The following CACNA2D3 variants were observed in gnomAD, a reference collection of about 807,000 sequenced individuals.
CACNA2D3 encodes the protein voltage-dependent calcium channel subunit alpha-2/delta-3.
In CACNA2D3, 60 loss-of-function variants were observed where a neutral mutation model predicts 160.6. That is an observed-to-expected ratio of 0.37 (90% CI 0.30 to 0.46). The LOEUF (loss-of-function observed/expected upper bound fraction) is 0.46. CACNA2D3 is among the 20% of genes least tolerant of loss of function. The pLI, the probability that CACNA2D3 is intolerant of heterozygous loss-of-function variation, is 1.00. For synonymous variants in CACNA2D3, 558 were observed against 492.9 expected, an observed-to-expected ratio of 1.13 and a Z score of -1.75; for missense variants, 1,205 against 1,365.0, an observed-to-expected ratio of 0.88 and a Z score of 1.85.
At position 54,317,986 on chromosome 3, in the gene CACNA2D3, A is replaced by G. The variant is rs376650943; in HGVS notation, c.205-2456A>G. 3.3e-5 allele frequency among the ~76,000 whole-genome samples: 5 copies of G among 152,334 alleles called. No homozygotes were observed. The South Asian group carries it at 6.2e-4, about 19-fold the overall frequency. On this transcript the variant is annotated intron_variant, in intron 2 of 37. Transcript: ENST00000474759. ...TCCCAGTACTACTGTATTGGGGATT[A>G]AGTTTCCAATACATGAACTTTGGGG...
At chr3:54,804,299 T>A (rs1445723655) in intron 13 of CACNA2D3, among the ~76,000 whole-genome samples, 1 of 151,906 alleles carries the variant, frequency 6.6e-6, no homozygotes, top group Admixed American at 6.6e-5. Context: ...GTGTGCTGTA[T>A]TCAGGAAACC....
chr3:54,799,003 CAT>C (rs1313718665), intron 13 of CACNA2D3, among the ~76,000 whole-genome samples: 2 of 152,158 alleles, frequency 1.3e-5, no homozygotes, highest in Non-Finnish European at 2.9e-5. Flanking sequence ...TTAATCAAAA[CAT>C]GTCATTTTAA....
intron 4 of CACNA2D3, among the ~76,000 whole-genome samples, chr3:54,428,672 T>G (rs190725607): frequency 1.8e-4 from 27 of 152,318 alleles, no homozygotes; most frequent in Admixed American, 1.4e-3. Flanking sequence ...CTTTCTACCT[T>G]TCAAAATTTA....
At chr3:54,663,599 G>A (rs1369168605) in intron 11 of CACNA2D3, among the ~76,000 whole-genome samples, 2 of 152,184 alleles carry the variant, frequency 1.3e-5, no homozygotes, top group South Asian at 2.1e-4. Context: ...CAAGAAAGGC[G>A]ATGAAGACAA....
At chr3:54,587,603 A>G (rs1360886592) in intron 9 of CACNA2D3, among the ~76,000 whole-genome samples, 1 of 152,106 alleles carries the variant, frequency 6.6e-6, no homozygotes, top group East Asian at 1.9e-4. Flanking sequence ...AGAGAAGACA[A>G]ATCAGCAATA....
chr3:54,740,583 C>G (rs1479152264), intron 11 of CACNA2D3, among the ~76,000 whole-genome samples: 1 of 152,152 alleles, frequency 6.6e-6, no homozygotes, highest in East Asian at 1.9e-4. Flanking sequence ...GTCCTTCCCC[C>G]TTCCACAAAG....
At chr3:54,452,283 A>T (rs1700320206) in intron 4 of CACNA2D3, among the ~76,000 whole-genome samples, 1 of 152,190 alleles carries the variant, frequency 6.6e-6, no homozygotes, top group South Asian at 2.1e-4. Context: ...CCCATTTATA[A>T]AACCATCAGA....
chr3:55,014,366 C>T (rs929035048), intron 34 of CACNA2D3, among the ~76,000 whole-genome samples: 3 of 152,196 alleles, frequency 2.0e-5, no homozygotes, highest in Non-Finnish European at 4.4e-5. Flanking sequence ...ATCAGCCAAA[C>T]TGAGCTCAGT....
chr3:54,657,934 C>G (rs1034802447), intron 11 of CACNA2D3, among the ~76,000 whole-genome samples: 1 of 152,098 alleles, frequency 6.6e-6, no homozygotes, highest in Non-Finnish European at 1.5e-5. Context: ...GAGACTCAAG[C>G]GGGAGACTGG....
At chr3:54,628,436 C>T (rs61676227) in intron 10 of CACNA2D3, among the ~76,000 whole-genome samples, 7,318 of 152,122 alleles carry the variant, frequency 0.048, 568 homozygotes, top group African/African-American at 0.16. Flanking sequence ...AATTGAGTAG[C>T]GTCATAGAGA....
intron 2 of CACNA2D3, among the ~76,000 whole-genome samples, chr3:54,211,817 A>G (rs1701377350): frequency 6.6e-6 from 1 of 152,198 alleles, no homozygotes; most frequent in Non-Finnish European, 1.5e-5. Context: ...GTTATTTTAT[A>G]AAAATATATT....
At chr3:54,642,265 G>A in intron 11 of CACNA2D3, 24 bp downstream of exon 11, 1 of 1,426,072 alleles carries the variant, frequency 7.0e-7, no homozygotes, top group Non-Finnish European at 9.8e-7. Context: ...GATCCCGTCT[G>A]TGCGGTGGAC....
chr3:54,596,257 T>C (rs1702952442), intron 9 of CACNA2D3, among the ~76,000 whole-genome samples: 1 of 152,072 alleles, frequency 6.6e-6, no homozygotes, highest in Non-Finnish European at 1.5e-5. Context: ...ACTGTCATCA[T>C]TGTCTTCTCC....
intron 2 of CACNA2D3, among the ~76,000 whole-genome samples, chr3:54,240,949 C>G (rs1277547849): frequency 6.6e-6 from 1 of 152,114 alleles, no homozygotes; most frequent in Non-Finnish European, 1.5e-5. Flanking sequence ...CCATGTTGGC[C>G]AGGCTGGTCT....
At chr3:54,727,592 T>G (rs1048994657) in intron 11 of CACNA2D3, among the ~76,000 whole-genome samples, 2 of 152,074 alleles carry the variant, frequency 1.3e-5, no homozygotes, top group Non-Finnish European at 2.9e-5. Flanking sequence ...ACAGGATGAG[T>G]TCATGTCCTT....
chr3:54,169,683 GTA>G (rs987352585), intron 2 of CACNA2D3, among the ~76,000 whole-genome samples: 1 of 148,816 alleles, frequency 6.7e-6, no homozygotes, highest in Non-Finnish European at 1.5e-5. Flanking sequence ...GTATGTGTGT[GTA>G]TGTGTGTGCA....
intron 13 of CACNA2D3, among the ~76,000 whole-genome samples, chr3:54,798,276 T>C (rs1458080557): frequency 6.6e-6 from 1 of 152,136 alleles, no homozygotes; most frequent in Non-Finnish European, 1.5e-5. Flanking sequence ...GGCCCACACC[T>C]GTAATCCCAG....
At chr3:54,552,395 C>T (rs1702172896) in intron 5 of CACNA2D3, among the ~76,000 whole-genome samples, 1 of 152,220 alleles carries the variant, frequency 6.6e-6, no homozygotes, top group Non-Finnish European at 1.5e-5. Context: ...CTCTGAGCCA[C>T]GTGTTACCCT....
At chr3:54,957,599 G>A (rs1701931836) in intron 27 of CACNA2D3, among the ~76,000 whole-genome samples, 1 of 152,200 alleles carries the variant, frequency 6.6e-6, no homozygotes, top group African/African-American at 2.4e-5. Context: ...GGTCTGGTGT[G>A]TGTGTTAGGG....
Sources: allele counts gnomAD v4.1 joint callset (sites outside exome capture counted in the v4.1 genomes callset), GRCh38; gene constraint gnomAD v4.1.1; transcripts MANE v1.5; gene names NCBI Gene and HGNC (gene_info 2026-07-23, HGNC 2026-07-21).